The following ACCSL variants were observed in gnomAD, a reference collection of about 807,000 sequenced individuals.
ACCSL encodes 1-aminocyclopropane-1-carboxylate synthase homolog (inactive) like, also known as probable inactive 1-aminocyclopropane-1-carboxylate synthase-like protein 2.
In ACCSL, 55 loss-of-function variants were observed where a neutral mutation model predicts 61.7. The ratio of observed to expected loss-of-function variants is 0.89; its 90% confidence interval spans 0.72 to 1.12. The LOEUF (loss-of-function observed/expected upper bound fraction) is 1.12, where lower values mean the gene tolerates loss of function less well. ACCSL is among the 50% of genes most tolerant of loss of function. The pLI is 0.00. For missense variants in ACCSL, 632 were observed against 698.0 expected (o/e 0.91, Z 1.07); for synonymous variants, 258 against 264.3 (o/e 0.98, Z 0.23).
chr11:43,974,579 C>A, the ACCSL span, among the ~76,000 whole-genome samples: 4 of 152,186 alleles, frequency 2.6e-5, no homozygotes, highest in Admixed American at 6.5e-5. Flanking sequence ...GCAGTGGCAC[C>A]ATTCAATCCC....
At chr11:44,050,525 C>G (rs1952630068) in intron 2 of ACCSL, 27 bp from the exon 3 acceptor site, 3 of 1,610,844 alleles carry the variant, frequency 1.9e-6, no homozygotes, top group East Asian at 4.5e-5. Flanking sequence ...CCTGGCCTAC[C>G]TGTCTTCATG....
chr11:44,018,174 C>G, the ACCSL span, among the ~76,000 whole-genome samples: 1 of 152,020 alleles, frequency 6.6e-6, no homozygotes, highest in Non-Finnish European at 1.5e-5. Flanking sequence ...GTGGATAGAC[C>G]CCTTGGCCAC....
chr11:43,949,580 TG>T, the ACCSL span, among the ~76,000 whole-genome samples: 1 of 152,160 alleles, frequency 6.6e-6, no homozygotes, highest in Non-Finnish European at 1.5e-5. Flanking sequence ...TTTGGGAGGC[TG>T]AGGCAGGTGG....
At chr11:44,029,537 A>T in the ACCSL span, among the ~76,000 whole-genome samples, 4 of 152,218 alleles carry the variant, frequency 2.6e-5, no homozygotes, top group African/African-American at 9.6e-5. Flanking sequence ...AGAATGAATC[A>T]CTGGCAGCTC....
chr11:43,960,544 C>G, the ACCSL span, among the ~76,000 whole-genome samples: 1 of 151,924 alleles, frequency 6.6e-6, no homozygotes, highest in Non-Finnish European at 1.5e-5. Context: ...ACTACCATGC[C>G]TGGCTAATTT....
chr11:44,032,751 G>A, the ACCSL span, among the ~76,000 whole-genome samples: 2 of 152,192 alleles, frequency 1.3e-5, no homozygotes, highest in Admixed American at 6.5e-5. Flanking sequence ...GGAGACCTAG[G>A]TCAACAGAAG....
At chr11:44,005,300 C>A in the ACCSL span, among the ~76,000 whole-genome samples, 1 of 152,146 alleles carries the variant, frequency 6.6e-6, no homozygotes, top group South Asian at 2.1e-4. Context: ...CCTTTAGCTG[C>A]CTAATTACTG....
At chr11:44,024,208 A>G in the ACCSL span, among the ~76,000 whole-genome samples, 3 of 152,146 alleles carry the variant, frequency 2.0e-5, no homozygotes, top group East Asian at 5.8e-4. Context: ...CTGCTTGTTT[A>G]CTTGAGCTGG....
the ACCSL span, among the ~76,000 whole-genome samples, chr11:43,932,481 C>G: frequency 6.6e-6 from 1 of 152,164 alleles, no homozygotes; most frequent in Non-Finnish European, 1.5e-5. Flanking sequence ...GTTGCCCAGG[C>G]AGGTCTCGAA....
At chr11:43,934,837 C>A in the ACCSL span, among the ~76,000 whole-genome samples, 1 of 152,188 alleles carries the variant, frequency 6.6e-6, no homozygotes, top group African/African-American at 2.4e-5. Context: ...TGACTCACGC[C>A]CAGGTTACCA....
At chr11:44,016,308 C>T in the ACCSL span, among the ~76,000 whole-genome samples, 12 of 152,222 alleles carry the variant, frequency 7.9e-5, no homozygotes, top group East Asian at 1.9e-4. Flanking sequence ...TATTGCTGGC[C>T]GGCTTAGTCA....
At chr11:43,949,552 C>A in the ACCSL span, among the ~76,000 whole-genome samples, 3 of 152,150 alleles carry the variant, frequency 2.0e-5, no homozygotes, top group Non-Finnish European at 2.9e-5. Context: ...TGGTGGCTCA[C>A]GCCTGTAATC....
the ACCSL span, among the ~76,000 whole-genome samples, chr11:44,027,194 T>C: frequency 0.4 from 60,924 of 152,034 alleles, 12,707 homozygotes; most frequent in Admixed American, 0.42. Flanking sequence ...GGCATGTCTT[T>C]AATGCTCTGG....
chr11:44,021,309 ATTCTTGC>A, the ACCSL span, among the ~76,000 whole-genome samples: 1 of 152,116 alleles, frequency 6.6e-6, no homozygotes, highest in African/African-American at 2.4e-5. Context: ...ATTTATGGCC[ATTCTTGC>A]AGGAGTTAGG....
chr11:43,956,861 T>TTC, the ACCSL span, among the ~76,000 whole-genome samples: 2 of 152,044 alleles, frequency 1.3e-5, no homozygotes, highest in Non-Finnish European at 2.9e-5. Flanking sequence ...GCTGTTTTTT[T>TTC]CCCAAAGAGC....
At chr11:43,935,291 AAC>A in the ACCSL span, among the ~76,000 whole-genome samples, 1 of 152,218 alleles carries the variant, frequency 6.6e-6, no homozygotes, top group Admixed American at 6.5e-5. Context: ...GGCTGGGCCA[AAC>A]ACACCCAAAG....
chr11:43,934,771 C>T, the ACCSL span, among the ~76,000 whole-genome samples: 6 of 152,202 alleles, frequency 3.9e-5, no homozygotes, highest in South Asian at 1.2e-3. Context: ...CTGCCCCAAC[C>T]TGGTTCTTCC....
chr11:43,988,938 C>A, the ACCSL span, among the ~76,000 whole-genome samples: 1 of 151,672 alleles, frequency 6.6e-6, no homozygotes, highest in African/African-American at 2.4e-5. Flanking sequence ...ACCCTTCTCC[C>A]CAAACTTCCT....
chr11:43,922,699 CTT>C, the ACCSL span, among the ~76,000 whole-genome samples: 1 of 152,274 alleles, frequency 6.6e-6, no homozygotes, highest in East Asian at 1.9e-4. Flanking sequence ...AGATATGAAA[CTT>C]TTAGAGACAG....
Sources: allele counts gnomAD v4.1 joint callset (sites outside exome capture counted in the v4.1 genomes callset), GRCh38; gene constraint gnomAD v4.1.1; transcripts MANE v1.5; gene names NCBI Gene and HGNC (gene_info 2026-07-23, HGNC 2026-07-21).